The following JAKMIP2 variants were observed in gnomAD, a reference collection of about 807,000 sequenced individuals.
JAKMIP2 encodes janus kinase and microtubule-interacting protein 2.
A neutral mutation model predicts 115.0 loss-of-function variants in JAKMIP2; 25 were observed. The ratio of observed to expected loss-of-function variants is 0.22; its 90% CI spans 0.16 to 0.30. The LOEUF is 0.30. Among genes scored for constraint, JAKMIP2 ranks in the 10% least tolerant of loss-of-function variants. JAKMIP2 has a pLI of 1.00. For synonymous variants in JAKMIP2, 334 were observed against 343.6 expected (o/e 0.97, Z 0.31); for missense variants, 642 against 957.6 (o/e 0.67, Z 4.35).
rs940318982 is a variant in JAKMIP2, at chr5:147,587,018, A to G, written c.*4689T>C. The G allele has an allele frequency of 2.0e-5, 3 of 152,152 alleles. No individual in the cohort carries two copies. The highest frequency in any genetic ancestry group is 7.2e-5 in the African/African-American group (3 of 41,430). The allele number at this position is 152,152 out of a possible 1,614,324, so 9.4% of individuals were successfully genotyped here. On this transcript the variant is annotated 3_prime_UTR_variant, in exon 22 of 22. Transcript: ENST00000616793. ...AGAATTTGGCACTTGAAGAGGCCTT[A>G]CAGGGATTAGCTCCAACTTTCCATT...
intron 3 of JAKMIP2, among the ~76,000 whole-genome samples, chr5:147,659,559 C>A (rs1758856544): frequency 6.6e-6 from 1 of 152,062 alleles, no homozygotes; most frequent in South Asian, 2.1e-4. Flanking sequence ...GAAAGGAAGT[C>A]GTGCAAAAAT....
chr5:147,769,552 T>C (rs1053009185), intron 1 of JAKMIP2, among the ~76,000 whole-genome samples: 1 of 152,162 alleles, frequency 6.6e-6, no homozygotes, highest in African/African-American at 2.4e-5. Context: ...CTAAACCCAC[T>C]ATAGACTAAT....
chr5:147,730,512 G>C lies in JAKMIP2; in HGVS notation c.-149+51944C>G, dbSNP rs568914626. Among the ~76,000 whole-genome samples the C allele has an allele frequency of 2.6e-5, 4 of 151,870 alleles. No homozygotes were observed. The East Asian group carries it at 7.8e-4, about 30-fold the overall frequency. ...CGCTCTGTCGCCAGGCTGGAGTGCA[G>C]TGGTGCAATCTTGGCTCACTGCAAC... is the stretch of plus-strand genomic sequence containing the variant. On this transcript the variant is annotated intron_variant, in intron 1 of 21. Transcript: ENST00000616793.
chr5:147,682,899 T>C (rs1249712376), intron 1 of JAKMIP2, among the ~76,000 whole-genome samples: 1 of 152,220 alleles, frequency 6.6e-6, no homozygotes, highest in Non-Finnish European at 1.5e-5. Context: ...TCCTCAGCAC[T>C]GGGTAAGTCA....
rs747236100 is a variant in JAKMIP2 at position 147,623,607 on chromosome 5, C to T, written c.2064+14G>A. 22 of 1,547,028 alleles carry T rather than the reference C, an allele frequency of 1.4e-5. No homozygotes were observed. The highest frequency in any genetic ancestry group is 1.3e-4 in the Admixed American group (8 of 59,782). On this transcript the variant is annotated intron_variant, in intron 17 of 21. Coordinates refer to ENST00000616793, the MANE Select transcript of JAKMIP2 (RefSeq NM_001270941.2). ...GTTTTTCTTAATTTTTACAATATCT[C>T]ATCTTGTACTTACCATGTCACTTTC...
Position 147,620,457 on chromosome 5 carries a change from G to A in JAKMIP2, c.2142+209C>T, listed in dbSNP as rs886802484. ...ATGAAGTATAATTAAATATTTATTA[G>A]GTATTATAAGAATATCTTATAAGAA... On this transcript the variant is annotated intron_variant, in intron 18 of 21. Transcript: ENST00000616793. Among the ~76,000 whole-genome samples, 37 of 151,902 alleles carry A rather than the reference G, an allele frequency of 2.4e-4. 1 individual carries two copies. The highest frequency in any genetic ancestry group is 2.9e-5 in the Non-Finnish European group (2 of 68,006).
Position 147,635,229 on chromosome 5 carries a change from T to G in JAKMIP2, c.1677+993A>C, listed in dbSNP as rs554403429. Among the ~76,000 whole-genome samples, 3 of 152,272 alleles carry G rather than the reference T, an allele frequency of 2.0e-5. No individual in the cohort carries two copies. In the South Asian group the frequency reaches 6.2e-4, roughly 32 times the overall value. ...TCACTAGATTTGTAGAAGGTAAATATCAAAGGAAAAGCCACCTTTGAACTG... is the reference window on the plus strand; with the variant it reads ...TCACTAGATTTGTAGAAGGTAAATAGCAAAGGAAAAGCCACCTTTGAACTG... On this transcript the variant is annotated intron_variant, in intron 12 of 21. Transcript: ENST00000616793.
At position 147,590,747 on chromosome 5, in the gene JAKMIP2, C is replaced by T. The variant is rs1415089756; in HGVS notation, c.*960G>A. The T allele has an allele frequency of 6.6e-6, 1 of 152,176 alleles. No homozygotes were observed. The highest frequency in any genetic ancestry group is 1.5e-5 in the Non-Finnish European group (1 of 68,032). 9.4% of individuals were successfully genotyped at this position (152,176 alleles called of 1,614,324 possible). On this transcript the variant is annotated 3_prime_UTR_variant, in exon 22 of 22. Transcript: ENST00000616793. ...GAAATGAAAGATTCAGAGATGCTCTCTGGCCCATGTTCCCTATAGATGTTG... is the reference window on the plus strand; with the variant it reads ...GAAATGAAAGATTCAGAGATGCTCTTTGGCCCATGTTCCCTATAGATGTTG...
chr5:147,760,040 A>C (rs1754878670), intron 1 of JAKMIP2, among the ~76,000 whole-genome samples: 1 of 152,130 alleles, frequency 6.6e-6, no homozygotes. Flanking sequence ...GGAAAGAAAG[A>C]AATCAAGGAC....
chr5:147,605,991 G>A (rs760741914), intron 20 of JAKMIP2, among the ~76,000 whole-genome samples: 44 of 152,110 alleles, frequency 2.9e-4, no homozygotes, highest in Admixed American at 4.6e-4. Flanking sequence ...TTTGAAAAGC[G>A]TCTGTTCACA....
At chr5:147,597,375 G>A (rs1755451277) in intron 21 of JAKMIP2, among the ~76,000 whole-genome samples, 2 of 152,064 alleles carry the variant, frequency 1.3e-5, no homozygotes, top group Non-Finnish European at 2.9e-5. Flanking sequence ...TTATTAGACA[G>A]GAAGTAAAAA....
intron 3 of JAKMIP2, among the ~76,000 whole-genome samples, chr5:147,655,571 T>C (rs1024959212): frequency 6.6e-5 from 10 of 152,130 alleles, no homozygotes; most frequent in Non-Finnish European, 1.3e-4. Flanking sequence ...TTTTATTGTG[T>C]CTATTTGGTG....
chr5:147,593,183 A>C (rs547256901), intron 21 of JAKMIP2, among the ~76,000 whole-genome samples: 8 of 152,328 alleles, frequency 5.3e-5, no homozygotes, highest in African/African-American at 1.9e-4. Context: ...TCCACACTCC[A>C]TCAAAAAGCT....
chr5:147,749,610 A>T (rs1273060345), intron 1 of JAKMIP2, among the ~76,000 whole-genome samples: 1 of 152,234 alleles, frequency 6.6e-6, no homozygotes, highest in Non-Finnish European at 1.5e-5. Flanking sequence ...GAAGAGTAGG[A>T]CCCTGCCCTA....
intron 8 of JAKMIP2, 95 bp downstream of exon 8, chr5:147,641,613 C>T (rs1349566436): frequency 4.7e-6 from 4 of 842,704 alleles, no homozygotes; most frequent in Non-Finnish European, 6.0e-6. Flanking sequence ...TTCTGGAACA[C>T]CTGATTCATC....
intron 1 of JAKMIP2, among the ~76,000 whole-genome samples, chr5:147,708,789 A>G (rs1445790974): frequency 1.3e-5 from 2 of 152,186 alleles, no homozygotes; most frequent in Non-Finnish European, 2.9e-5. Flanking sequence ...AAGATTCACA[A>G]CATGAAGCCC....
chr5:147,765,837 C>A (rs1755135569), intron 1 of JAKMIP2, among the ~76,000 whole-genome samples: 1 of 152,058 alleles, frequency 6.6e-6, no homozygotes, highest in Admixed American at 6.6e-5. Context: ...TTAATAGACA[C>A]AGTGTTTTCA....
intron 1 of JAKMIP2, among the ~76,000 whole-genome samples, chr5:147,711,071 A>C (rs1752760604): frequency 6.6e-6 from 1 of 152,234 alleles, no homozygotes; most frequent in Non-Finnish European, 1.5e-5. Flanking sequence ...TAGAGACATG[A>C]ATAGATCTAC....
intron 20 of JAKMIP2, among the ~76,000 whole-genome samples, chr5:147,611,216 G>A (rs1662051927): frequency 1.3e-5 from 2 of 152,164 alleles, no homozygotes; most frequent in African/African-American, 4.8e-5. Context: ...TGGCATTCCA[G>A]GTGCCACTGG....
Sources: allele counts gnomAD v4.1 joint callset (sites outside exome capture counted in the v4.1 genomes callset), GRCh38; gene constraint gnomAD v4.1.1; transcripts MANE v1.5; gene names NCBI Gene and HGNC (gene_info 2026-07-23, HGNC 2026-07-21).